Variants in ATP8A2 observed in about 807,000 individuals in gnomAD.
ATP8A2 encodes phospholipid-transporting ATPase IB.
A neutral mutation model predicts 165.6 loss-of-function variants in ATP8A2; 100 were observed. That is an observed-to-expected ratio of 0.60 (90% CI 0.51 to 0.71). The LOEUF is 0.71. Ranked by LOEUF, ATP8A2 falls within the 30% of genes least tolerant of loss-of-function variation. The pLI, the probability that ATP8A2 is intolerant of heterozygous loss-of-function variation, is 0.00. For synonymous variants in ATP8A2, 543 were observed against 548.8 expected, an observed-to-expected ratio of 0.99 and a Z score of 0.15; for missense variants, 1,227 against 1,479.5, an observed-to-expected ratio of 0.83 and a Z score of 2.80.
At chr13:25,446,142 T>C (rs1220749735) in intron 1 of ATP8A2, among the ~76,000 whole-genome samples, 1 of 152,168 alleles carries the variant, frequency 6.6e-6, no homozygotes, top group Non-Finnish European at 1.5e-5. Context: ...GTTTCACCCT[T>C]GGGCTGTCCT....
Position 25,372,412 on chromosome 13 carries a change from T to TCTGGG in ATP8A2, c.76+128_76+132dup. The TCTGGG allele has an allele frequency of 1.5e-6, 1 of 676,136 alleles. No individual in the cohort carries two copies. Among genetic ancestry groups the TCTGGG allele is most frequent in the Non-Finnish European group, 2.1e-6 (1 of 474,498 alleles). The allele number at this position is 676,136 out of a possible 1,614,324, so 41.9% of individuals were successfully genotyped here. A position where few individuals can be genotyped will look rare whatever the true frequency, so the allele number is the denominator to read the frequency against. ...TCCCCTCCCTGGGCTCCCTGGGCTC[T>TCTGGG]CTGGGCTGCAGGATCCGCCGACGCG... On this transcript the variant is annotated intron_variant, in intron 1 of 36. Coordinates refer to ENST00000381655, the MANE Select transcript of ATP8A2 (RefSeq NM_016529.6). This position sits in a 1 kb window ranked among gnomAD's most constrained non-coding sequence, Gnocchi z 4.8.
intron 30 of ATP8A2, among the ~76,000 whole-genome samples, chr13:25,847,941 A>G (rs1395346581): frequency 6.6e-6 from 1 of 152,298 alleles, no homozygotes; most frequent in East Asian, 1.9e-4. Flanking sequence ...CAGGTACCCA[A>G]CAACTAGGGA....
intron 24 of ATP8A2, among the ~76,000 whole-genome samples, chr13:25,661,162 T>C (rs113743128): frequency 1.3e-5 from 2 of 152,264 alleles, no homozygotes; most frequent in South Asian, 2.1e-4. Context: ...AGCTCAAGGA[T>C]ATTGTGATGC....
chr13:25,506,680 G>C (rs2037047265), intron 2 of ATP8A2, among the ~76,000 whole-genome samples: 1 of 152,148 alleles, frequency 6.6e-6, no homozygotes, highest in Non-Finnish European at 1.5e-5. Flanking sequence ...ATCTGAAGAG[G>C]AGCAGCATCT....
At chr13:25,952,242 T>C (rs965153725) in intron 33 of ATP8A2, among the ~76,000 whole-genome samples, 2 of 152,108 alleles carry the variant, frequency 1.3e-5, no homozygotes, top group Non-Finnish European at 2.9e-5. Context: ...CTCTAGGCAT[T>C]TCGTACAGGG....
intron 24 of ATP8A2, among the ~76,000 whole-genome samples, chr13:25,626,790 G>A (rs1171925319): frequency 6.6e-6 from 1 of 152,106 alleles, no homozygotes; most frequent in Non-Finnish European, 1.5e-5. Context: ...AGTCCCATAT[G>A]GCTGGGGAGG....
intron 33 of ATP8A2, among the ~76,000 whole-genome samples, chr13:25,935,505 T>C (rs904864998): frequency 6.6e-6 from 1 of 152,196 alleles, no homozygotes; most frequent in African/African-American, 2.4e-5. Flanking sequence ...AAAAGAGGTA[T>C]TTTGGCTCAC....
intron 1 of ATP8A2, among the ~76,000 whole-genome samples, chr13:25,404,973 A>C (rs1025981321): frequency 2.6e-5 from 4 of 152,324 alleles, no homozygotes; most frequent in Non-Finnish European, 5.9e-5. Flanking sequence ...TAGAAATGCC[A>C]CTGAGAAGTG....
chr13:25,692,349 A>G (rs544553192), intron 24 of ATP8A2, among the ~76,000 whole-genome samples: 1 of 152,282 alleles, frequency 6.6e-6, no homozygotes, highest in East Asian at 1.9e-4. Flanking sequence ...AATTTGCAGG[A>G]CATCAAAGTG....
At chr13:25,994,460 TG>T (rs1956455586) in intron 35 of ATP8A2, among the ~76,000 whole-genome samples, 1 of 152,122 alleles carries the variant, frequency 6.6e-6, no homozygotes, top group South Asian at 2.1e-4. Flanking sequence ...TCCCAATATT[TG>T]GGAGAAATCA....
At chr13:25,463,126 GTTT>G (rs386378533) in intron 1 of ATP8A2, among the ~76,000 whole-genome samples, 1 of 138,716 alleles carries the variant, frequency 7.2e-6, no homozygotes, top group Non-Finnish European at 1.5e-5. Flanking sequence ...TTTCTGAAGT[GTTT>G]TTTTTTTTTT....
At chr13:25,435,080 C>T (rs897987876) in intron 1 of ATP8A2, among the ~76,000 whole-genome samples, 18 of 151,856 alleles carry the variant, frequency 1.2e-4, no homozygotes, top group African/African-American at 4.3e-4. Context: ...TAGAAAACAG[C>T]AGAAGTCTTC....
At chr13:25,781,391 G>C (rs1160740376) in intron 27 of ATP8A2, among the ~76,000 whole-genome samples, 2 of 152,046 alleles carry the variant, frequency 1.3e-5, no homozygotes, top group African/African-American at 4.8e-5. Flanking sequence ...TCCTTTTGCT[G>C]TTTTACAGCT....
At chr13:25,442,100 G>A (rs2034946805) in intron 1 of ATP8A2, among the ~76,000 whole-genome samples, 1 of 152,168 alleles carries the variant, frequency 6.6e-6, no homozygotes, top group Admixed American at 6.5e-5. Flanking sequence ...ATGTTTCATT[G>A]TATGTATAGA....
intron 24 of ATP8A2, among the ~76,000 whole-genome samples, chr13:25,671,963 C>T (rs1458151820): frequency 6.6e-6 from 1 of 152,162 alleles, no homozygotes; most frequent in Non-Finnish European, 1.5e-5. Flanking sequence ...CCCCCGGATG[C>T]CCGGCTTTAA....
At chr13:25,531,900 G>C (rs1469260676) in intron 4 of ATP8A2, among the ~76,000 whole-genome samples, 1 of 152,160 alleles carries the variant, frequency 6.6e-6, no homozygotes, top group East Asian at 1.9e-4. Context: ...CTAGTCCCGA[G>C]CATGTCAGAT....
intron 24 of ATP8A2, among the ~76,000 whole-genome samples, chr13:25,694,846 C>T (rs919571423): frequency 1.3e-5 from 2 of 152,074 alleles, no homozygotes; most frequent in African/African-American, 2.4e-5. Flanking sequence ...AATTATGTGC[C>T]TATATGTCCC....
At chr13:25,393,814 C>T (rs939638433) in intron 1 of ATP8A2, among the ~76,000 whole-genome samples, 13 of 152,184 alleles carry the variant, frequency 8.5e-5, no homozygotes, top group African/African-American at 2.4e-4. Context: ...AATACATGCT[C>T]AGTACACATT....
intron 2 of ATP8A2, among the ~76,000 whole-genome samples, chr13:25,524,157 T>C (rs1418523383): frequency 6.6e-6 from 1 of 152,076 alleles, no homozygotes; most frequent in Non-Finnish European, 1.5e-5. Flanking sequence ...TTCCATGGGT[T>C]TGTGTAGTTT....
Sources: allele counts gnomAD v4.1 joint callset (sites outside exome capture counted in the v4.1 genomes callset), GRCh38; gene constraint gnomAD v4.1.1; non-coding constraint Gnocchi (gnomAD v3.1); transcripts MANE v1.5; gene names NCBI Gene and HGNC (gene_info 2026-07-23, HGNC 2026-07-21).